SGK3: variants seen among roughly 807,000 people sequenced by gnomAD.
SGK3 encodes serine/threonine-protein kinase Sgk3.
Under a neutral mutation model 68.5 loss-of-function variants are expected in SGK3, and 47 were observed. That is an observed-to-expected ratio of 0.69 (90% CI 0.54 to 0.87). The LOEUF is 0.87. Ranked by LOEUF, SGK3 falls within the 40% of genes least tolerant of loss-of-function variation. The pLI, the probability that SGK3 is intolerant of heterozygous loss-of-function variation, is 0.00. For synonymous variants in SGK3, 181 were observed against 189.1 expected (o/e 0.96, Z 0.35); for missense variants, 479 against 575.5 (o/e 0.83, Z 1.72).
chr8:66,812,297 G>A (rs1262322089), intron 4 of SGK3, among the ~76,000 whole-genome samples: 2 of 152,098 alleles, frequency 1.3e-5, no homozygotes, highest in African/African-American at 2.4e-5. Flanking sequence ...GGTGGGTCAC[G>A]CCTGTAATCC....
intron 1 of SGK3, among the ~76,000 whole-genome samples, chr8:66,785,553 C>T (rs1807163557): frequency 6.6e-6 from 1 of 152,080 alleles, no homozygotes; most frequent in Non-Finnish European, 1.5e-5. Context: ...TGACGACCAC[C>T]GCCCGCCACT....
At chr8:66,767,707 G>T in intron 1 of SGK3, 1 of 1,468,502 alleles carries the variant, frequency 6.8e-7, no homozygotes, top group Non-Finnish European at 9.5e-7. Flanking sequence ...AGAGTTTTTT[G>T]CTTTAACAGT....
chr8:66,758,536 C>A (rs1317401978), intron 1 of SGK3, among the ~76,000 whole-genome samples: 1 of 151,014 alleles, frequency 6.6e-6, no homozygotes, highest in African/African-American at 2.5e-5. Flanking sequence ...AGTGAAATAT[C>A]TCTCTATATC....
intron 10 of SGK3, among the ~76,000 whole-genome samples, chr8:66,837,155 G>A (rs1157042932): frequency 6.6e-6 from 1 of 152,154 alleles, no homozygotes; most frequent in African/African-American, 2.4e-5. Context: ...GTTAGTATCA[G>A]AGGCAGGGAT....
At position 66,793,707 on chromosome 8, in the gene SGK3, G is replaced by C; in HGVS notation, c.-30G>C. Reference sequence around the variant, plus strand: ...TCCTCTGCTGACTGTTTCTTCGGATGCATTTTTTGGTGTGCTCTTGAGGGA... The same window carrying C: ...TCCTCTGCTGACTGTTTCTTCGGATCCATTTTTTGGTGTGCTCTTGAGGGA... On this transcript the variant is annotated 5_prime_UTR_variant, in exon 2 of 17. It removes an upstream start codon present in the reference 5' UTR. Transcript: ENST00000521198. The C allele has an allele frequency of 6.2e-7, 1 of 1,601,084 alleles. No homozygotes were observed. The highest frequency in any genetic ancestry group is 8.5e-7 in the Non-Finnish European group (1 of 1,172,388).
At chr8:66,751,315 G>C (rs1805811708) in intron 1 of SGK3, among the ~76,000 whole-genome samples, 1 of 152,088 alleles carries the variant, frequency 6.6e-6, no homozygotes, top group Admixed American at 6.6e-5. Context: ...TTAAATTTAA[G>C]TACTGGTTTA....
intron 1 of SGK3, among the ~76,000 whole-genome samples, chr8:66,766,090 ATAGT>A (rs1806308769): frequency 6.6e-6 from 1 of 151,726 alleles, no homozygotes; most frequent in Non-Finnish European, 1.5e-5. Context: ...TAATTTTATT[ATAGT>A]TAGAGAACAT....
At chr8:66,720,781 T>TTTTATATATATA (rs1554590872) in intron 1 of SGK3, among the ~76,000 whole-genome samples, 1 of 146,248 alleles carries the variant, frequency 6.8e-6, no homozygotes, top group African/African-American at 2.7e-5. Context: ...AAAAAAAAAA[T>TTTTATATATATA]TATATATATA....
intron 1 of SGK3, among the ~76,000 whole-genome samples, chr8:66,736,491 T>G (rs1037267569): frequency 2.0e-5 from 3 of 152,166 alleles, no homozygotes; most frequent in African/African-American, 7.2e-5. Flanking sequence ...AAGGTCTTGC[T>G]CTGTTGCCCA....
Position 66,789,937 on chromosome 8 carries a change from G to A in SGK3, c.-121-3679G>A, listed in dbSNP as rs144532919. Reference sequence around the variant, plus strand: ...TACCAAAAATAGAAAAATTAGCCAGGCATGGTAGCACATGCCTGTGGTCCC... The same window carrying A: ...TACCAAAAATAGAAAAATTAGCCAGACATGGTAGCACATGCCTGTGGTCCC... On this transcript the variant is annotated intron_variant, in intron 1 of 16. Coordinates refer to ENST00000521198, the MANE Select transcript of SGK3 (RefSeq NM_001033578.3). Among the ~76,000 whole-genome samples, 20 of 152,136 alleles carry A rather than the reference G, an allele frequency of 1.3e-4. No individual in the cohort carries two copies. In the East Asian group the frequency reaches 3.9e-3, roughly 29 times the overall value.
intron 1 of SGK3, among the ~76,000 whole-genome samples, chr8:66,785,329 T>C (rs73691590): frequency 0.03 from 4,547 of 152,328 alleles, 218 homozygotes; most frequent in African/African-American, 0.1. Flanking sequence ...AGCTGAGGTT[T>C]CTTCTTCATC....
chr8:66,783,017 A>G (rs190162324), intron 1 of SGK3, among the ~76,000 whole-genome samples: 13 of 152,330 alleles, frequency 8.5e-5, no homozygotes, highest in Admixed American at 7.2e-4. Context: ...TCTGGATTGT[A>G]TAGTAAGAAT....
intron 15 of SGK3, among the ~76,000 whole-genome samples, chr8:66,849,452 C>T (rs536929143): frequency 3.3e-5 from 5 of 152,260 alleles, no homozygotes; most frequent in Middle Eastern, 3.4e-3. Context: ...CATATCCAGA[C>T]ATTTCTAGCC....
intron 2 of SGK3, 84 bp from the exon 3 acceptor site, chr8:66,798,458 T>G: frequency 7.8e-7 from 1 of 1,285,776 alleles, no homozygotes; most frequent in Non-Finnish European, 1.1e-6. Context: ...AAAAAAAAAT[T>G]AAAACAGGTT....
At chr8:66,802,818 A>G (rs1408784650) in intron 3 of SGK3, among the ~76,000 whole-genome samples, 1 of 152,122 alleles carries the variant, frequency 6.6e-6, no homozygotes, top group Admixed American at 6.5e-5. Context: ...ACTAGTACCA[A>G]TTCAGAAAAT....
At chr8:66,778,182 G>A (rs1458687197) in intron 1 of SGK3, 1 of 152,164 alleles carries the variant, frequency 6.6e-6, no homozygotes, top group East Asian at 1.9e-4. Flanking sequence ...TGAAAGCTTC[G>A]GGCATTGGTC....
chr8:66,722,783 G>T (rs1350168473), intron 1 of SGK3, among the ~76,000 whole-genome samples: 3 of 152,160 alleles, frequency 2.0e-5, no homozygotes. Context: ...GGAAGCATCT[G>T]CTTCTGGGGA....
At chr8:66,785,871 T>C (rs916222907) in intron 1 of SGK3, among the ~76,000 whole-genome samples, 4 of 152,260 alleles carry the variant, frequency 2.6e-5, no homozygotes, top group Non-Finnish European at 5.9e-5. Flanking sequence ...GCAAGCCAGC[T>C]GCCCCTGAGC....
At chr8:66,717,473 G>A (rs1196600597) in intron 1 of SGK3, among the ~76,000 whole-genome samples, 1 of 152,120 alleles carries the variant, frequency 6.6e-6, no homozygotes, top group Non-Finnish European at 1.5e-5. Context: ...AGGTTGCAGT[G>A]AGCGAGATCG....
Sources: allele counts gnomAD v4.1 joint callset (sites outside exome capture counted in the v4.1 genomes callset), GRCh38; gene constraint gnomAD v4.1.1; transcripts MANE v1.5; gene names NCBI Gene and HGNC (gene_info 2026-07-23, HGNC 2026-07-21).